Variants in SUSD4 observed in about 807,000 individuals in gnomAD.
SUSD4 encodes sushi domain-containing protein 4.
In SUSD4, 41 loss-of-function variants were observed where a neutral mutation model predicts 50.5. The ratio of observed to expected loss-of-function variants is 0.81; its 90% CI spans 0.63 to 1.05. The LOEUF (loss-of-function observed/expected upper bound fraction) is 1.05, where lower values mean the gene tolerates loss of function less well. Ranked by LOEUF, SUSD4 falls within the 50% of genes least tolerant of loss-of-function variation. The probability of loss-of-function intolerance (pLI) is 0.00; values close to 1 mark genes in which losing one functional copy is unlikely to be tolerated. For missense variants in SUSD4, 580 were observed against 634.7 expected, an observed-to-expected ratio of 0.91 and a Z score of 0.93; for synonymous variants, 257 against 257.3, an observed-to-expected ratio of 1.00 and a Z score of 0.01.
chr1:223,303,810 T>A (rs1294941762), intron 2 of SUSD4, among the ~76,000 whole-genome samples: 1 of 152,198 alleles, frequency 6.6e-6, no homozygotes, highest in Non-Finnish European at 1.5e-5. Context: ...AAGTAATTCT[T>A]TAACATAACA....
intron 2 of SUSD4, among the ~76,000 whole-genome samples, chr1:223,304,212 C>G (rs1311059281): frequency 1.3e-5 from 2 of 152,192 alleles, no homozygotes; most frequent in Non-Finnish European, 2.9e-5. Context: ...GGATAGGAAT[C>G]TTGGTGATGT....
chr1:223,284,818 T>G (rs1223613751), intron 3 of SUSD4, among the ~76,000 whole-genome samples: 1 of 151,990 alleles, frequency 6.6e-6, no homozygotes, highest in Non-Finnish European at 1.5e-5. Context: ...TATAGACTGA[T>G]CTCATAGAAG....
At chr1:223,338,352 C>T (rs1472760181) in intron 2 of SUSD4, among the ~76,000 whole-genome samples, 1 of 152,140 alleles carries the variant, frequency 6.6e-6, no homozygotes, top group Non-Finnish European at 1.5e-5. Context: ...CCCAGGGAAC[C>T]TTCAGCCATT....
chr1:223,326,549 G>C (rs1269973249), intron 2 of SUSD4, among the ~76,000 whole-genome samples: 2 of 152,046 alleles, frequency 1.3e-5, no homozygotes, highest in African/African-American at 4.8e-5. Flanking sequence ...AATAACCAGA[G>C]TAAACAGACA....
chr1:223,349,059 G>A (rs899661819), intron 2 of SUSD4, among the ~76,000 whole-genome samples: 22 of 152,136 alleles, frequency 1.4e-4, no homozygotes, highest in African/African-American at 4.8e-4. Flanking sequence ...CAGGAGGCAT[G>A]AGGCTCCTTC....
At chr1:223,235,090 A>G in intron 5 of SUSD4, 1 of 1,600,970 alleles carries the variant, frequency 6.2e-7, no homozygotes, top group Non-Finnish European at 8.5e-7. Context: ...AAAGATGTTC[A>G]GGTCTTCCTC....
chr1:223,360,382 T>A, intron 2 of SUSD4: 1 of 354,416 alleles, frequency 2.8e-6, no homozygotes, highest in Non-Finnish European at 5.8e-6. Flanking sequence ...GGGTCCTATA[T>A]CTCCCCACCA....
At chr1:223,363,818 G>T (rs1433787675) in intron 1 of SUSD4, 5 of 179,312 alleles carry the variant, frequency 2.8e-5, no homozygotes, top group Non-Finnish European at 1.2e-5. Context: ...TTTTCCCTGG[G>T]CCTATACATT....
At chr1:223,261,862 T>C (rs1184587663) in intron 5 of SUSD4, among the ~76,000 whole-genome samples, 10 of 152,152 alleles carry the variant, frequency 6.6e-5, no homozygotes, top group African/African-American at 2.2e-4. Context: ...CTTCATTAAA[T>C]GGGTGGATTT....
chr1:223,353,061 G>A (rs957022296), intron 2 of SUSD4, among the ~76,000 whole-genome samples: 15 of 152,162 alleles, frequency 9.9e-5, no homozygotes, highest in Non-Finnish European at 1.6e-4. Context: ...GGAGCTGACC[G>A]GGCTTGGGCC....
At chr1:223,278,505 C>T (rs927988758) in intron 3 of SUSD4, among the ~76,000 whole-genome samples, 8 of 152,184 alleles carry the variant, frequency 5.3e-5, no homozygotes, top group South Asian at 2.1e-4. Flanking sequence ...AAGGCAGCAG[C>T]GAGGCTGGGG....
intron 2 of SUSD4, among the ~76,000 whole-genome samples, chr1:223,298,627 C>G (rs1049061223): frequency 2.0e-5 from 3 of 152,106 alleles, no homozygotes; most frequent in African/African-American, 7.2e-5. Context: ...GGTCGTATCC[C>G]CCACTCTTTG....
intron 2 of SUSD4, among the ~76,000 whole-genome samples, chr1:223,359,518 GA>G (rs1668850760): frequency 6.6e-6 from 1 of 152,180 alleles, no homozygotes; most frequent in Non-Finnish European, 1.5e-5. Flanking sequence ...CAGCTATCAT[GA>G]AACTTTTGCA....
chr1:223,353,043 A>G (rs980088810), intron 2 of SUSD4, among the ~76,000 whole-genome samples: 5 of 152,162 alleles, frequency 3.3e-5, no homozygotes, highest in Admixed American at 2.6e-4. Flanking sequence ...TTCTGTGAGC[A>G]CACAAAAGGA....
chr1:223,310,058 G>A (rs975564155), intron 2 of SUSD4, among the ~76,000 whole-genome samples: 1 of 152,180 alleles, frequency 6.6e-6, no homozygotes, highest in African/African-American at 2.4e-5. Flanking sequence ...ACACTTTCAG[G>A]TGCAGGCCTG....
At chr1:223,280,925 T>A (rs1663673202) in intron 3 of SUSD4, among the ~76,000 whole-genome samples, 1 of 152,196 alleles carries the variant, frequency 6.6e-6, no homozygotes, top group African/African-American at 2.4e-5. Flanking sequence ...AACTCAGGAT[T>A]AAGAAACTCA....
chr1:223,316,686 G>A (rs1037446034), intron 2 of SUSD4, among the ~76,000 whole-genome samples: 1 of 152,114 alleles, frequency 6.6e-6, no homozygotes, highest in Admixed American at 6.5e-5. Flanking sequence ...GGCTGAGCTG[G>A]GGCTCACATT....
intron 5 of SUSD4, among the ~76,000 whole-genome samples, chr1:223,236,078 CTTGTT>C (rs763165624): frequency 6.6e-6 from 1 of 152,142 alleles, no homozygotes; most frequent in Non-Finnish European, 1.5e-5. Context: ...AGTGATCTCT[CTTGTT>C]TTAATTTGCA....
rs1659152330 is a variant in SUSD4 at position 223,221,841 on chromosome 1, A to G, written c.*351T>C. On this transcript the variant is annotated 3_prime_UTR_variant, in exon 9 of 9. Transcript: ENST00000366878. ...TGACATGCTTTCAGAGGGGGCGGGGAGTACTTGCCAGTCAATGGGATGCGT... is the reference window on the plus strand; with the variant it reads ...TGACATGCTTTCAGAGGGGGCGGGGGGTACTTGCCAGTCAATGGGATGCGT... 1 of 230,320 alleles carries G rather than the reference A, an allele frequency of 4.3e-6. No homozygotes were observed. The allele number at this position is 230,320 out of a possible 1,614,324, so 14.3% of individuals were successfully genotyped here.
Sources: gnomAD v4.1 joint callset for allele counts (sites outside exome capture counted in the v4.1 genomes callset) on GRCh38, gnomAD v4.1.1 for gene constraint, MANE v1.5 for transcripts, NCBI Gene and HGNC (gene_info 2026-07-23, HGNC 2026-07-21) for gene names.